ASIC2: variants seen among roughly 807,000 people sequenced by gnomAD.
The protein encoded by ASIC2 is acid-sensing ion channel 2.
A neutral mutation model predicts 57.3 loss-of-function variants in ASIC2; 25 were observed. The ratio of observed to expected loss-of-function variants is 0.44; its 90% confidence interval spans 0.32 to 0.61. ASIC2 has a LOEUF of 0.61. Among genes scored for constraint, ASIC2 ranks in the 20% least tolerant of loss-of-function variants. The probability of loss-of-function intolerance (pLI) is 0.06; values close to 1 mark genes in which losing one functional copy is unlikely to be tolerated. For synonymous variants in ASIC2, 319 were observed against 307.5 expected (o/e 1.04, Z -0.39); for missense variants, 641 against 738.1 (o/e 0.87, Z 1.52).
At chr17:33,360,054 G>A (rs909225045) in intron 1 of ASIC2, among the ~76,000 whole-genome samples, 1 of 152,128 alleles carries the variant, frequency 6.6e-6, no homozygotes, top group African/African-American at 2.4e-5. Context: ...GCATTTCCTA[G>A]TATGGAGTAC....
chr17:33,060,753 G>A (rs1345949766), intron 3 of ASIC2, among the ~76,000 whole-genome samples: 9 of 152,320 alleles, frequency 5.9e-5, no homozygotes, highest in South Asian at 2.1e-4. Context: ...ACCTTGGGCA[G>A]TATGGCCATT....
intron 1 of ASIC2, among the ~76,000 whole-genome samples, chr17:33,403,467 C>T (rs1428201092): frequency 2.0e-5 from 3 of 152,178 alleles, no homozygotes; most frequent in Non-Finnish European, 2.9e-5. Flanking sequence ...CTGCCACATG[C>T]TGCTTTAGTT....
chr17:33,701,748 A>AC (rs1184193467), intron 1 of ASIC2, among the ~76,000 whole-genome samples: 1 of 152,218 alleles, frequency 6.6e-6, no homozygotes, highest in Non-Finnish European at 1.5e-5. Flanking sequence ...GTCATGAGGT[A>AC]TTTGCAAGTC....
At chr17:33,272,556 C>T (rs1221310690) in intron 1 of ASIC2, among the ~76,000 whole-genome samples, 1 of 152,140 alleles carries the variant, frequency 6.6e-6, no homozygotes, top group Non-Finnish European at 1.5e-5. Context: ...CACATAAACC[C>T]ATGAGCCCTG....
At chr17:34,013,058 C>T (rs1184843932) in intron 1 of ASIC2, among the ~76,000 whole-genome samples, 2 of 151,890 alleles carry the variant, frequency 1.3e-5, no homozygotes, top group African/African-American at 2.4e-5. Context: ...CCTGGCTCAA[C>T]CCCCCTGGAG....
At chr17:33,618,902 A>G (rs1905689939) in intron 1 of ASIC2, among the ~76,000 whole-genome samples, 2 of 152,188 alleles carry the variant, frequency 1.3e-5, no homozygotes, top group South Asian at 2.1e-4. Context: ...CCATGGCACA[A>G]ATATTCTCCT....
intron 1 of ASIC2, among the ~76,000 whole-genome samples, chr17:33,202,602 A>G (rs1042147270): frequency 2.0e-5 from 3 of 152,232 alleles, no homozygotes; most frequent in Admixed American, 2.0e-4. Flanking sequence ...CACAAAATGT[A>G]AAGCAAAGTA....
chr17:33,606,918 C>T (rs372184702), intron 1 of ASIC2, among the ~76,000 whole-genome samples: 83 of 152,288 alleles, frequency 5.5e-4, no homozygotes, highest in African/African-American at 1.9e-3. Context: ...CTCCTAGGCT[C>T]ATCCTAGTCT....
At chr17:33,838,594 A>G (rs938966495) in intron 1 of ASIC2, among the ~76,000 whole-genome samples, 1 of 152,204 alleles carries the variant, frequency 6.6e-6, no homozygotes, top group African/African-American at 2.4e-5. Flanking sequence ...CCTTTGAAAT[A>G]TCATTTAATT....
intron 1 of ASIC2, among the ~76,000 whole-genome samples, chr17:33,417,574 G>C (rs973922439): frequency 6.6e-6 from 1 of 152,126 alleles, no homozygotes; most frequent in African/African-American, 2.4e-5. Context: ...GCTCTTTCAT[G>C]CTAGGCACTG....
At chr17:33,322,173 A>G (rs1012473290) in intron 1 of ASIC2, among the ~76,000 whole-genome samples, 1 of 152,160 alleles carries the variant, frequency 6.6e-6, no homozygotes, top group African/African-American at 2.4e-5. Flanking sequence ...CCACTATCCT[A>G]GCTCTTGAAC....
At chr17:34,142,162 C>T (rs1377494197) in intron 1 of ASIC2, among the ~76,000 whole-genome samples, 1 of 152,088 alleles carries the variant, frequency 6.6e-6, no homozygotes, top group Non-Finnish European at 1.5e-5. Context: ...TACAAATGGG[C>T]ATCTCTCAGG....
chr17:33,525,508 C>A (rs1183839209), intron 1 of ASIC2, among the ~76,000 whole-genome samples: 1 of 152,212 alleles, frequency 6.6e-6, no homozygotes, highest in Non-Finnish European at 1.5e-5. Context: ...TGACAGGGGT[C>A]TTAGTCCAAC....
At chr17:33,135,071 G>T (rs985471498) in intron 1 of ASIC2, among the ~76,000 whole-genome samples, 5 of 152,158 alleles carry the variant, frequency 3.3e-5, no homozygotes, top group African/African-American at 1.2e-4. Flanking sequence ...GACTTGCCCA[G>T]TCATATGCTA....
intron 1 of ASIC2, among the ~76,000 whole-genome samples, chr17:33,782,180 T>C (rs933532818): frequency 6.6e-6 from 1 of 152,182 alleles, no homozygotes; most frequent in African/African-American, 2.4e-5. Flanking sequence ...AATTTATACA[T>C]TTTTTCTTTT....
At chr17:33,969,152 A>G (rs1309509187) in intron 1 of ASIC2, among the ~76,000 whole-genome samples, 6 of 152,336 alleles carry the variant, frequency 3.9e-5, no homozygotes, top group Admixed American at 2.0e-4. Context: ...AACAACCAGT[A>G]GTAAGATTAG....
intron 1 of ASIC2, among the ~76,000 whole-genome samples, chr17:33,381,713 G>C (rs1025902164): frequency 1.3e-5 from 2 of 152,284 alleles, no homozygotes; most frequent in African/African-American, 4.8e-5. Context: ...CTCAAAATAT[G>C]GTAGCTATTC....
At chr17:33,262,037 C>T (rs934950342) in intron 1 of ASIC2, among the ~76,000 whole-genome samples, 3 of 152,190 alleles carry the variant, frequency 2.0e-5, no homozygotes, top group African/African-American at 4.8e-5. Flanking sequence ...GGGTAGCTGG[C>T]GCACGACCGG....
At chr17:33,074,369 C>T (rs1034207316) in intron 3 of ASIC2, among the ~76,000 whole-genome samples, 3 of 152,196 alleles carry the variant, frequency 2.0e-5, no homozygotes, top group East Asian at 1.9e-4. Context: ...ATACCCTCTC[C>T]ATGCCTTTTT....
Sources: allele counts gnomAD v4.1 joint callset (sites outside exome capture counted in the v4.1 genomes callset), GRCh38; gene constraint gnomAD v4.1.1; transcripts MANE v1.5; gene names NCBI Gene and HGNC (gene_info 2026-07-23, HGNC 2026-07-21).